PCOLCE: variants seen among roughly 807,000 people sequenced by gnomAD.
The protein encoded by PCOLCE is procollagen C-endopeptidase enhancer 1.
In PCOLCE, 33 loss-of-function variants were observed where a neutral mutation model predicts 47.2. The ratio of observed to expected loss-of-function variants is 0.70; its 90% CI spans 0.53 to 0.93. PCOLCE has a LOEUF of 0.93. Among genes scored for constraint, PCOLCE ranks in the 40% least tolerant of loss-of-function variants. The pLI, the probability that PCOLCE is intolerant of heterozygous loss-of-function variation, is 0.00. For synonymous variants in PCOLCE, 254 were observed against 252.5 expected (o/e 1.01, Z -0.06); for missense variants, 584 against 585.3 (o/e 1.00, Z 0.02).
intron 7 of PCOLCE, 34 bp downstream of exon 7, chr7:100,607,557 G>GA (rs1802738838): frequency 6.2e-7 from 1 of 1,611,444 alleles, no homozygotes; most frequent in Non-Finnish European, 8.5e-7. Context: ...CCAGCTCCTC[G>GA]AACCACCTCC....
chr7:100,606,079 A>T, intron 5 of PCOLCE: 1 of 550,650 alleles, frequency 1.8e-6, no homozygotes, highest in Non-Finnish European at 3.2e-6. Flanking sequence ...CTGTAATCAT[A>T]GCACTTTGGG....
chr7:100,603,981 C>T lies in PCOLCE; in HGVS notation c.227C>T (p.Ser76Phe), dbSNP rs751335726. 16 of 1,602,476 alleles carry T rather than the reference C, an allele frequency of 1.0e-5. No homozygotes were observed. Among genetic ancestry groups the T allele is most frequent in the Non-Finnish European group, 1.4e-5 (16 of 1,179,948 alleles). Residue 76 changes from serine (S) to phenylalanine (F), a missense_variant, in exon 3 of 9, where the codon TCC becomes TTC. Physicochemically the swap from Ser to Phe is radical, Grantham distance 155. Coordinates refer to ENST00000223061, the MANE Select transcript of PCOLCE (RefSeq NM_002593.4). ...TITVPEGQTV[S>F]LSFRVFDLEL... Reference sequence around the variant, plus strand: ...CAGGTCCCCGAGGGCCAGACTGTGTCCCTCTCATTCCGAGTCTTCGACCTG... The same window carrying T: ...CAGGTCCCCGAGGGCCAGACTGTGTTCCTCTCATTCCGAGTCTTCGACCTG...
Position 100,606,647 on chromosome 7 carries a change from G to C in PCOLCE, c.940+17G>C. 1 of 1,569,108 alleles carries C rather than the reference G, an allele frequency of 6.4e-7. No homozygotes were observed. The highest frequency in any genetic ancestry group is 8.7e-7 in the Non-Finnish European group (1 of 1,150,820). ...CAGCCCCTGGTGAGTCTGGGATAGG[G>C]GAGGAAGGGGAAACAGACTGAAGGG... is the stretch of plus-strand genomic sequence containing the variant. On this transcript the variant is annotated intron_variant, in intron 6 of 8. Transcript: ENST00000223061.
Position 100,607,457 on chromosome 7 carries a change from C to A in PCOLCE, c.946C>A (p.Pro316Thr), listed in dbSNP as rs923475487. 2.5e-6 allele frequency: 4 copies of A among 1,613,828 alleles called. No homozygotes were observed. The change falls in exon 7 of 9, where the codon CCC (proline) becomes ACC (threonine). Residue 316 changes from proline (P) to threonine (T), a missense_variant. Physicochemically the swap from Pro to Thr is conservative, Grantham distance 38 (BLOSUM62 -1). Transcript: ENST00000223061. Reference sequence around the variant, plus strand: ...TCCACCCTCCTCCCTCCTAGATGCACCCACCTGCCCAAAGCAGTGCCGCCG... The same window carrying A: ...TCCACCCTCCTCCCTCCTAGATGCAACCACCTGCCCAAAGCAGTGCCGCCG... ...TEESPSAPDA[P>T]TCPKQCRRTG...
At chr7:100,606,022 T>C (rs111591646) in intron 5 of PCOLCE, 13 of 611,446 alleles carry the variant, frequency 2.1e-5, no homozygotes, top group African/African-American at 9.3e-5. Flanking sequence ...CTCTGCGAAG[T>C]TGGGACGAAG....
In PCOLCE at chr7:100,605,913, C is replaced by A; in HGVS notation, c.725+101C>A. 1 of 1,308,750 alleles carries A rather than the reference C, an allele frequency of 7.6e-7. No individual in the cohort carries two copies. The highest frequency in any genetic ancestry group is 1.0e-6 in the Non-Finnish European group (1 of 957,894). 81.1% of individuals were successfully genotyped at this position (1,308,750 alleles called of 1,614,324 possible). On this transcript the variant is annotated intron_variant, in intron 5 of 8. Transcript: ENST00000223061. The surrounding 1 kb of genome is among the most constrained non-coding windows in gnomAD (Gnocchi z 6.1). ...TTCAGCTAAAGGGACGGGATCTGAA[C>A]CCCAGGGCTCCAAACCGGCGAGGGG...
chr7:100,602,981 C>T (rs987262827), intron 1 of PCOLCE: 45 of 243,976 alleles, frequency 1.8e-4, no homozygotes, highest in Middle Eastern at 1.3e-3. Flanking sequence ...GCTCGCGGAG[C>T]CTGGCCTCCA....
Position 100,604,282 on chromosome 7 carries a change from C to T in PCOLCE, c.463+65C>T, listed in dbSNP as rs1027751819. On this transcript the variant is annotated intron_variant, in intron 3 of 8. Transcript: ENST00000223061. This position sits in a 1 kb window ranked among gnomAD's most constrained non-coding sequence, Gnocchi z 6.4. ...CCCGCCCCGGCCGCAGCCCCGCCCC[C>T]AGCCCTAACCTCCGCCCCGCCCACC... 191 of 1,412,788 alleles carry T rather than the reference C, an allele frequency of 1.4e-4. No individual in the cohort carries two copies. The Admixed American group carries it at 2.8e-3, about 21-fold the overall frequency. The allele number at this position is 1,412,788 out of a possible 1,614,324, so 87.5% of individuals were successfully genotyped here.
At chr7:100,603,764 A>G (rs1026970427) in intron 2 of PCOLCE, 195 bp from the exon 3 acceptor site, 1 of 641,092 alleles carries the variant, frequency 1.6e-6, no homozygotes, top group Non-Finnish European at 2.7e-6. Context: ...CTCCTCTTCC[A>G]AAGCCTCAGC....
In PCOLCE at chr7:100,602,434, C is replaced by T. The variant is rs577200720; in HGVS notation, c.-23C>T. 10 of 1,518,542 alleles carry T rather than the reference C, an allele frequency of 6.6e-6. No homozygotes were observed. The Admixed American group carries it at 1.7e-4, about 25-fold the overall frequency. The allele number at this position is 1,518,542 out of a possible 1,614,324, so 94.1% of individuals were successfully genotyped here. On this transcript the variant is annotated 5_prime_UTR_variant, in exon 1 of 9. Coordinates refer to ENST00000223061, the MANE Select transcript of PCOLCE (RefSeq NM_002593.4). Reference sequence around the variant, plus strand: ...CAGCTGCTGCCTCTGTCTTGAGGACCCCAGCGCCTTTCCCCCGGGGCCATG... The same window carrying T: ...CAGCTGCTGCCTCTGTCTTGAGGACTCCAGCGCCTTTCCCCCGGGGCCATG...
At position 100,605,061 on chromosome 7, in the gene PCOLCE, C is replaced by G; in HGVS notation, c.464-30C>G. ...AGCTGACCGAGGGTCTCCACCGCCC[C>G]CCACCCCCGCTCCTCTCTCCCCTCC... On this transcript the variant is annotated intron_variant, in intron 3 of 8. Coordinates refer to ENST00000223061, the MANE Select transcript of PCOLCE (RefSeq NM_002593.4). The surrounding 1 kb of genome is among the most constrained non-coding windows in gnomAD (Gnocchi z 6.1). The G allele has an allele frequency of 6.4e-7, 1 of 1,564,372 alleles. No homozygotes were observed.
In PCOLCE at chr7:100,605,376, T is replaced by C. The variant is rs1422208483; in HGVS notation, c.588+161T>C. 1.3e-6 allele frequency: 1 copy of C among 744,792 alleles called. No individual in the cohort carries two copies. Among genetic ancestry groups the C allele is most frequent in the Non-Finnish European group, 2.2e-6 (1 of 463,134 alleles). 46.1% of individuals were successfully genotyped at this position (744,792 alleles called of 1,614,324 possible). A position where few individuals can be genotyped will look rare whatever the true frequency, so the allele number is the denominator to read the frequency against. On this transcript the variant is annotated intron_variant, in intron 4 of 8. Transcript: ENST00000223061. This position sits in a 1 kb window ranked among gnomAD's most constrained non-coding sequence, Gnocchi z 6.1. The stretch of plus-strand genomic sequence containing the variant: ...ACCCCTGCATGCACGCAAACAAAAA[T>C]GTAAAAATTACAACTGAGACAAGTC...
At chr7:100,606,105 G>C in intron 5 of PCOLCE, 1 of 532,530 alleles carries the variant, frequency 1.9e-6, no homozygotes, top group South Asian at 2.3e-5. Flanking sequence ...GAAGCGGGAG[G>C]ATCACCTGAG....
At chr7:100,602,685 T>C (rs1288863297) in intron 1 of PCOLCE, 134 bp downstream of exon 1, 13 of 655,206 alleles carry the variant, frequency 2.0e-5, no homozygotes, top group Non-Finnish European at 3.3e-5. Flanking sequence ...CTCACCCTTC[T>C]CTGGCCCCCA....
intron 6 of PCOLCE, 36 bp downstream of exon 6, chr7:100,606,666 T>C: frequency 6.7e-7 from 1 of 1,501,620 alleles, no homozygotes; most frequent in Non-Finnish European, 9.0e-7. Flanking sequence ...GGAAACAGAC[T>C]GAAGGGGGCC....
chr7:100,605,101 T>C lies in PCOLCE; in HGVS notation c.474T>C (p.Phe158=), dbSNP rs774528768. 5.0e-6 allele frequency: 8 copies of C among 1,611,476 alleles called. No individual in the cohort carries two copies. The highest frequency in any genetic ancestry group is 5.1e-6 in the Non-Finnish European group (6 of 1,178,998). ...GRATSGTEHQ[F]CGGRLEKAQG... is the part of the protein sequence containing the mutation. Reference sequence around the variant, plus strand: ...CTCTCCCCTCCCCAGAGCACCAATTTTGCGGGGGGCGGCTGGAGAAGGCCC... The same window carrying C: ...CTCTCCCCTCCCCAGAGCACCAATTCTGCGGGGGGCGGCTGGAGAAGGCCC... Residue 158 remains phenylalanine (F), a synonymous_variant, in exon 4 of 9, where the codon TTT becomes TTC. Coordinates refer to ENST00000223061, the MANE Select transcript of PCOLCE (RefSeq NM_002593.4). The surrounding 1 kb of genome is among the most constrained non-coding windows in gnomAD (Gnocchi z 6.1).
chr7:100,604,920 C>CCCGG lies in PCOLCE; in HGVS notation c.464-167_464-164dup, dbSNP rs1042977381. 1.0e-4 allele frequency: 55 copies of CCCGG among 539,628 alleles called. No homozygotes were observed. The African/African-American group carries it at 1.0e-3, about 10-fold the overall frequency. 33.4% of individuals were successfully genotyped at this position (539,628 alleles called of 1,614,324 possible). A position where few individuals can be genotyped will look rare whatever the true frequency, so the allele number is the denominator to read the frequency against. On this transcript the variant is annotated intron_variant, in intron 3 of 8. Coordinates refer to ENST00000223061, the MANE Select transcript of PCOLCE (RefSeq NM_002593.4). The surrounding 1 kb of genome is among the most constrained non-coding windows in gnomAD (Gnocchi z 6.4). ...CCAGACTTCCCCGAGCCGCGCTCCT[C>CCCGG]CCGGCCGCTCTCTGTTAACCTGCCC...
chr7:100,602,681 C>T lies in PCOLCE; in HGVS notation c.95+130C>T, dbSNP rs560930302. The stretch of plus-strand genomic sequence containing the variant: ...TCCCCAGATTCCCCACCGCCTCACC[C>T]TTCTCTGGCCCCCAAATCCTCCCCA... On this transcript the variant is annotated intron_variant, in intron 1 of 8. Transcript: ENST00000223061. 1.1e-5 allele frequency: 7 copies of T among 661,684 alleles called. 1 individual carries two copies. The Admixed American group carries it at 1.6e-4, about 15-fold the overall frequency. The allele number at this position is 661,684 out of a possible 1,614,324, so 41.0% of individuals were successfully genotyped here.
At chr7:100,606,681 C>G in intron 6 of PCOLCE, 51 bp downstream of exon 6, 1 of 1,426,908 alleles carries the variant, frequency 7.0e-7, no homozygotes, top group Non-Finnish European at 9.5e-7. Flanking sequence ...GGGGCCATTT[C>G]AAAAAGTTCT....
Sources: gnomAD v4.1 joint callset for allele counts on GRCh38, gnomAD v4.1.1 for gene constraint, Gnocchi (gnomAD v3.1) non-coding constraint, MANE v1.5 for transcripts, NCBI Gene and HGNC (gene_info 2026-07-23, HGNC 2026-07-21) for gene names.